The following XPO6 variants were observed in gnomAD, a reference collection of about 807,000 sequenced individuals.
XPO6 encodes the protein exportin 6, also known as exportin-6.
Under a neutral mutation model 130.0 loss-of-function variants are expected in XPO6, and 3 were observed. The ratio of observed to expected loss-of-function variants is 0.02; its 90% CI spans 0.01 to 0.06. XPO6 has a LOEUF of 0.06. Among genes scored for constraint, XPO6 ranks in the 10% least tolerant of loss-of-function variants. XPO6 has a pLI of 1.00. For missense variants in XPO6, 970 were observed against 1,393.0 expected, an observed-to-expected ratio of 0.70 and a Z score of 4.83; for synonymous variants, 524 against 548.9, an observed-to-expected ratio of 0.95 and a Z score of 0.63.
intron 9 of XPO6, among the ~76,000 whole-genome samples, chr16:28,138,363 T>C (rs1219518659): frequency 6.6e-6 from 1 of 152,196 alleles, no homozygotes; most frequent in Non-Finnish European, 1.5e-5. Flanking sequence ...CATCTATAAA[T>C]TGTCTTGCTG....
chr16:28,137,779 C>T (rs1246239611), intron 9 of XPO6, among the ~76,000 whole-genome samples: 3 of 152,026 alleles, frequency 2.0e-5, no homozygotes, highest in East Asian at 1.9e-4. Context: ...GAGTATACTG[C>T]GTGATGCTGA....
At chr16:28,145,345 C>T (rs543038597) in intron 9 of XPO6, among the ~76,000 whole-genome samples, 68 of 152,216 alleles carry the variant, frequency 4.5e-4, no homozygotes, top group South Asian at 2.7e-3. Context: ...GCTGAATCTC[C>T]ACCTTCCCCT....
intron 1 of XPO6, among the ~76,000 whole-genome samples, chr16:28,202,120 C>A (rs944491563): frequency 6.6e-6 from 1 of 152,170 alleles, no homozygotes; most frequent in African/African-American, 2.4e-5. Context: ...ACTGAGTGTT[C>A]TGGGAATGAC....
chr16:28,161,646 T>C (rs1444254725), intron 6 of XPO6, among the ~76,000 whole-genome samples: 1 of 152,216 alleles, frequency 6.6e-6, no homozygotes, highest in East Asian at 1.9e-4. Flanking sequence ...GTGTGACTAC[T>C]TGCTTGGCCC....
At chr16:28,176,963 A>C (rs2043543831) in intron 3 of XPO6, among the ~76,000 whole-genome samples, 1 of 152,200 alleles carries the variant, frequency 6.6e-6, no homozygotes, top group African/African-American at 2.4e-5. Flanking sequence ...CAATGATAAC[A>C]GGCAGGGAAT....
chr16:28,112,764 C>T, intron 16 of XPO6, 140 bp downstream of exon 16: 4 of 1,111,192 alleles, frequency 3.6e-6, no homozygotes, highest in Non-Finnish European at 5.0e-6. Flanking sequence ...TGTGTCAGTG[C>T]CACACAATAA....
At chr16:28,179,797 T>A (rs1359016948) in intron 2 of XPO6, among the ~76,000 whole-genome samples, 1 of 152,062 alleles carries the variant, frequency 6.6e-6, no homozygotes. Context: ...AATGACTAGG[T>A]ACAAAGAGAA....
At position 28,166,597 on chromosome 16, in the gene XPO6, G is replaced by A. The variant is rs570774961; in HGVS notation, c.566-12C>T. On this transcript the variant is annotated splice_polypyrimidine_tract_variant and intron_variant, in intron 5 of 23. Coordinates refer to ENST00000304658, the MANE Select transcript of XPO6 (RefSeq NM_015171.4). Reference sequence around the variant, plus strand: ...AGTCTCCAAGATACCTACCAAGAAAGGAGAAACAGAGTTATAAGAGAAATA... The same window carrying A: ...AGTCTCCAAGATACCTACCAAGAAAAGAGAAACAGAGTTATAAGAGAAATA... 182 of 1,572,944 alleles carry A rather than the reference G, an allele frequency of 1.2e-4. 4 individuals carry two copies. The South Asian group carries it at 2.0e-3, about 17-fold the overall frequency.
intron 1 of XPO6, 119 bp downstream of exon 1, chr16:28,211,220 ACTCTGCACGCATGTGTCACCGGCCAGG>A: frequency 2.5e-6 from 2 of 795,266 alleles, no homozygotes; most frequent in Non-Finnish European, 3.5e-6. Context: ...GGGGCTGCAC[ACTCTGCACGCATGTGTCACCGGCCAGG>A]CTCCGCACGC....
chr16:28,208,212 T>C (rs890109005), intron 1 of XPO6, among the ~76,000 whole-genome samples: 2 of 152,136 alleles, frequency 1.3e-5, no homozygotes, highest in African/African-American at 4.8e-5. Context: ...GCTTAATAAG[T>C]GGTAGTTTTT....
At chr16:28,131,654 G>A (rs931165552) in intron 12 of XPO6, among the ~76,000 whole-genome samples, 1 of 152,150 alleles carries the variant, frequency 6.6e-6, no homozygotes, top group African/African-American at 2.4e-5. Context: ...TAACATCTCT[G>A]AACATCAATT....
intron 11 of XPO6, 95 bp downstream of exon 11, chr16:28,133,746 G>T: frequency 9.3e-7 from 1 of 1,074,892 alleles, no homozygotes; most frequent in Non-Finnish European, 1.4e-6. Context: ...AGAGGGGAAA[G>T]AGGGGAGAGA....
At chr16:28,121,896 T>G (rs537203775) in intron 13 of XPO6, 134 bp from the exon 14 acceptor site, 3 of 616,102 alleles carry the variant, frequency 4.9e-6, no homozygotes, top group Admixed American at 2.8e-5. Context: ...GACCAGACTT[T>G]CAATTTTATG....
At chr16:28,167,465 C>T (rs2043375133) in intron 5 of XPO6, among the ~76,000 whole-genome samples, 1 of 152,146 alleles carries the variant, frequency 6.6e-6, no homozygotes, top group African/African-American at 2.4e-5. Flanking sequence ...ACATGTGTCC[C>T]TCTCAACCTC....
In XPO6 at chr16:28,164,222, G is replaced by A. The variant is rs539014086; in HGVS notation, c.643+2286C>T. On this transcript the variant is annotated intron_variant, in intron 6 of 23. Transcript: ENST00000304658. ...GCTGAGCTAAGGAATTCATTTGGTT[G>A]CTTCACTGGGCCCTACAGTTTCTCA... Among the ~76,000 whole-genome samples the A allele has an allele frequency of 3.7e-4, 56 of 152,342 alleles. 1 individual carries two copies. Among genetic ancestry groups the A allele is most frequent in the Non-Finnish European group, 5.6e-4 (38 of 68,024 alleles).
intron 1 of XPO6, among the ~76,000 whole-genome samples, chr16:28,207,438 A>G (rs1237026497): frequency 1.3e-5 from 2 of 152,218 alleles, no homozygotes; most frequent in African/African-American, 4.8e-5. Context: ...CTAACATGTC[A>G]CACCACTTAA....
rs75930368 is a variant in XPO6 at position 28,184,913 on chromosome 16, C to A, written c.4-3882G>T. Among the ~76,000 whole-genome samples, 98 of 152,272 alleles carry A rather than the reference C, an allele frequency of 6.4e-4. No individual in the cohort carries two copies. In the East Asian group the frequency reaches 8.5e-3, roughly 13 times the overall value. On this transcript the variant is annotated intron_variant, in intron 1 of 23. Coordinates refer to ENST00000304658, the MANE Select transcript of XPO6 (RefSeq NM_015171.4). The stretch of plus-strand genomic sequence containing the variant: ...CATATCTTATGACCCTGCAATTCTA[C>A]TCCTTGATATATACCCAACAGAAAT...
chr16:28,112,990 G>A lies in XPO6; in HGVS notation c.2065C>T (p.Arg689Trp). 3 of 1,614,110 alleles carry A rather than the reference G, an allele frequency of 1.9e-6. No homozygotes were observed. Among genetic ancestry groups the A allele is most frequent in the Non-Finnish European group, 2.5e-6 (3 of 1,180,002 alleles). ...GGGATGCTGATCAGAAAGACGGGCC[G>A]CACGGTGGTGGCCAGTGAGACCAGT... ...HLLVSLATTV[R>W]PVFLISIPAV... is the part of the protein sequence containing the mutation. Residue 689 changes from arginine (R) to tryptophan (W), a missense_variant, in exon 16 of 24, where the codon CGG (arginine) becomes TGG (tryptophan). Arg to Trp is a moderately radical substitution (Grantham distance 101). Transcript: ENST00000304658.
At chr16:28,165,537 T>C (rs1031477585) in intron 6 of XPO6, 5 of 152,156 alleles carry the variant, frequency 3.3e-5, no homozygotes, top group South Asian at 4.1e-4. Context: ...TAATGAAAAT[T>C]TGTAATAATT....
Sources: allele counts gnomAD v4.1 joint callset (sites outside exome capture counted in the v4.1 genomes callset), GRCh38; gene constraint gnomAD v4.1.1; transcripts MANE v1.5; gene names NCBI Gene and HGNC (gene_info 2026-07-23, HGNC 2026-07-21).